The following SLIT3 variants were observed in gnomAD, a reference collection of about 807,000 sequenced individuals.
The protein encoded by SLIT3 is slit guidance ligand 3.
Under a neutral mutation model 184.0 loss-of-function variants are expected in SLIT3, and 68 were observed. The observed-to-expected ratio is 0.37, with a 90% CI of 0.30 to 0.45. The LOEUF is 0.45. SLIT3 is among the 20% of genes least tolerant of loss of function. The pLI is 1.00. For synonymous variants in SLIT3, 831 were observed against 828.6 expected, an observed-to-expected ratio of 1.00 and a Z score of -0.05; for missense variants, 1,707 against 2,026.0, an observed-to-expected ratio of 0.84 and a Z score of 3.02.
chr5:168,703,241 T>A (rs111458545), intron 26 of SLIT3, among the ~76,000 whole-genome samples: 6 of 121,074 alleles, frequency 5.0e-5, no homozygotes, highest in African/African-American at 3.1e-4. Context: ...TGTGTGTGTG[T>A]GTGTGTGTGT....
chr5:169,098,583 G>A (rs556596615), intron 4 of SLIT3, among the ~76,000 whole-genome samples: 73 of 152,254 alleles, frequency 4.8e-4, no homozygotes, highest in Middle Eastern at 3.4e-3. Context: ...CAGATGTCCC[G>A]TACAGTTTAG....
intron 32 of SLIT3, among the ~76,000 whole-genome samples, chr5:168,679,662 CA>C (rs933944421): frequency 6.6e-6 from 1 of 152,102 alleles, no homozygotes; most frequent in South Asian, 2.1e-4. Flanking sequence ...CTCGCAGTAA[CA>C]AAAAGTTCCT....
intron 9 of SLIT3, among the ~76,000 whole-genome samples, chr5:168,805,530 T>G (rs1289533732): frequency 1.3e-5 from 2 of 152,164 alleles, no homozygotes; most frequent in Non-Finnish European, 2.9e-5. Flanking sequence ...TAAAGAATAA[T>G]CTTGAGGTCA....
At chr5:168,768,472 G>C (rs574350314) in intron 14 of SLIT3, among the ~76,000 whole-genome samples, 19 of 152,288 alleles carry the variant, frequency 1.2e-4, no homozygotes, top group Non-Finnish European at 2.4e-4. Context: ...GAAATCACTG[G>C]ATGCCCATAC....
chr5:169,184,567 G>T (rs1763272616), intron 4 of SLIT3, among the ~76,000 whole-genome samples: 1 of 152,158 alleles, frequency 6.6e-6, no homozygotes, highest in Non-Finnish European at 1.5e-5. Context: ...CTTAAAGTAT[G>T]CCCCTAAGTG....
chr5:168,754,406 C>T lies in SLIT3; in HGVS notation c.1686-399G>A, dbSNP rs116414185. Among the ~76,000 whole-genome samples, 283 of 152,224 alleles carry T rather than the reference C, an allele frequency of 1.9e-3. 2 individuals are homozygous for T. The highest frequency in any genetic ancestry group is 5.9e-3 in the African/African-American group (246 of 41,544). ...CAGGCACAGCAAGGCAAATATCATA[C>T]GCTCCTACTCATATGTGGGAGCTAA... On this transcript the variant is annotated intron_variant, in intron 16 of 35. Transcript: ENST00000519560.
chr5:168,947,305 C>T (rs1762510776), intron 4 of SLIT3, among the ~76,000 whole-genome samples: 1 of 152,188 alleles, frequency 6.6e-6, no homozygotes, highest in African/African-American at 2.4e-5. Flanking sequence ...CATCACCTTT[C>T]CCTGGCCTGT....
intron 4 of SLIT3, among the ~76,000 whole-genome samples, chr5:168,957,411 G>T (rs2068316721): frequency 6.6e-6 from 1 of 152,098 alleles, no homozygotes; most frequent in Non-Finnish European, 1.5e-5. Context: ...GCTGTGAAAG[G>T]CTTCGTGTTT....
At chr5:168,777,269 T>A (rs72827642) in intron 12 of SLIT3, among the ~76,000 whole-genome samples, 3 of 152,174 alleles carry the variant, frequency 2.0e-5, no homozygotes, top group Non-Finnish European at 4.4e-5. Context: ...TATTCCCTAT[T>A]GTGTCCCCTT....
In SLIT3 at chr5:168,664,737, C is replaced by T. The variant is rs1760981156; in HGVS notation, c.*1717G>A. 6.6e-6 allele frequency: 1 copy of T among 152,208 alleles called. No homozygotes were observed. The highest frequency in any genetic ancestry group is 2.1e-4 in the South Asian group (1 of 4,822). 9.4% of individuals were successfully genotyped at this position (152,208 alleles called of 1,614,324 possible). ...GGAAGGAGGGATGGATGATAAGAGC[C>T]AGGGAGTTGGTGTGAACAGCTGAGC... On this transcript the variant is annotated 3_prime_UTR_variant, in exon 36 of 36. Transcript: ENST00000519560.
At chr5:169,069,596 A>G (rs924037132) in intron 4 of SLIT3, among the ~76,000 whole-genome samples, 1 of 152,176 alleles carries the variant, frequency 6.6e-6, no homozygotes, top group African/African-American at 2.4e-5. Flanking sequence ...CTGGACACTT[A>G]GCACACTCTA....
chr5:168,731,959 CAA>C (rs1005292406), intron 20 of SLIT3, among the ~76,000 whole-genome samples: 12 of 151,838 alleles, frequency 7.9e-5, no homozygotes, highest in African/African-American at 2.7e-4. Context: ...GAGCAATCAG[CAA>C]AGAGAAACAA....
intron 4 of SLIT3, among the ~76,000 whole-genome samples, chr5:169,166,262 G>A (rs1293833465): frequency 2.6e-5 from 4 of 152,094 alleles, no homozygotes; most frequent in Non-Finnish European, 2.9e-5. Context: ...CTAGAGAATC[G>A]TTTGCTGACA....
intron 4 of SLIT3, among the ~76,000 whole-genome samples, chr5:168,905,472 T>A (rs561076260): frequency 6.6e-6 from 1 of 152,236 alleles, no homozygotes; most frequent in Non-Finnish European, 1.5e-5. Flanking sequence ...AGTACGATCA[T>A]GTATCTGCAA....
At chr5:168,682,949 CTA>C (rs1422415953) in intron 32 of SLIT3, among the ~76,000 whole-genome samples, 3 of 151,856 alleles carry the variant, frequency 2.0e-5, no homozygotes, top group Admixed American at 2.0e-4. Flanking sequence ...ATATTTATAA[CTA>C]AATTTTTATT....
At chr5:168,884,547 G>GATATAT (rs1491371300) in intron 4 of SLIT3, among the ~76,000 whole-genome samples, 4 of 9,312 alleles carry the variant, frequency 4.3e-4, no homozygotes, top group African/African-American at 2.0e-3. Context: ...TACCAATTAC[G>GATATAT]AGATATATAT....
At chr5:169,033,848 C>A (rs1255466988) in intron 4 of SLIT3, among the ~76,000 whole-genome samples, 1 of 137,076 alleles carries the variant, frequency 7.3e-6, no homozygotes, top group Non-Finnish European at 1.5e-5. Flanking sequence ...GAGTCTCACT[C>A]TGTCACCAGG....
chr5:169,287,424 C>G (rs1320412977), intron 1 of SLIT3, among the ~76,000 whole-genome samples: 1 of 152,154 alleles, frequency 6.6e-6, no homozygotes, highest in Non-Finnish European at 1.5e-5. Flanking sequence ...CCCTAGCTTC[C>G]CAGATTGGCA....
intron 4 of SLIT3, among the ~76,000 whole-genome samples, chr5:169,014,968 A>G (rs562788179): frequency 1.3e-5 from 2 of 152,186 alleles, no homozygotes; most frequent in East Asian, 3.9e-4. Context: ...TAAAAATAAA[A>G]ATGCAACCTC....
Sources: gnomAD v4.1 joint callset for allele counts (sites outside exome capture counted in the v4.1 genomes callset) on GRCh38, gnomAD v4.1.1 for gene constraint, MANE v1.5 for transcripts, NCBI Gene and HGNC (gene_info 2026-07-23, HGNC 2026-07-21) for gene names.